Variants in TTC7A observed in about 807,000 individuals in gnomAD.
TTC7A encodes tetratricopeptide repeat domain 7A.
A neutral mutation model predicts 103.7 loss-of-function variants in TTC7A; 110 were observed. The observed-to-expected ratio is 1.06, with a 90% CI of 0.91 to 1.24. The LOEUF (loss-of-function observed/expected upper bound fraction) is 1.24, where lower values mean the gene tolerates loss of function less well. Ranked by LOEUF, TTC7A falls within the 50% of genes most tolerant of loss-of-function variation. The probability of loss-of-function intolerance (pLI) is 0.00; values close to 1 mark genes in which losing one functional copy is unlikely to be tolerated. For synonymous variants in TTC7A, 521 were observed against 467.9 expected (o/e 1.11, Z -1.47); for missense variants, 1,340 against 1,116.3 (o/e 1.20, Z -2.86).
At chr2:46,974,765 C>A in intron 3 of TTC7A, 1 of 656,144 alleles carries the variant, frequency 1.5e-6, no homozygotes, top group Non-Finnish European at 2.7e-6. Context: ...CACTGTGATT[C>A]CCCACGTGCT....
chr2:47,061,153 T>G (rs1683750434), intron 19 of TTC7A, among the ~76,000 whole-genome samples, 182 bp downstream of exon 19: 1 of 152,220 alleles, frequency 6.6e-6, no homozygotes, highest in Admixed American at 6.5e-5. Context: ...CTTGGGATAC[T>G]TAGCCTTCTC....
At position 47,049,330 on chromosome 2, in the gene TTC7A, CTG is replaced by C. The variant is rs556254401; in HGVS notation, c.1920-616_1920-615del. 5.5e-4 allele frequency among the ~76,000 whole-genome samples: 84 copies of C among 152,160 alleles called. 1 individual carries two copies. The South Asian group carries it at 0.017, about 30-fold the overall frequency. On this transcript the variant is annotated intron_variant, in intron 16 of 19. Coordinates refer to ENST00000319190, the MANE Select transcript of TTC7A (RefSeq NM_020458.4). ...TTCCTGGCTCCCCGCTGCCCCCACT[CTG>C]TGAAAAGAGGAACCCCTCCCCCCCG...
intron 3 of TTC7A, among the ~76,000 whole-genome samples, chr2:46,969,631 G>C (rs942189090): frequency 6.6e-6 from 1 of 151,934 alleles, no homozygotes; most frequent in African/African-American, 2.4e-5. Context: ...GGCCAGGATG[G>C]TCTCAATCTG....
intron 15 of TTC7A, among the ~76,000 whole-genome samples, chr2:47,044,466 A>G (rs545270127): frequency 6.6e-6 from 1 of 152,320 alleles, no homozygotes; most frequent in Non-Finnish European, 1.5e-5. Context: ...CACTGGGGTC[A>G]TTCCTACTCA....
intron 4 of TTC7A, 50 bp downstream of exon 4, chr2:46,975,153 A>G (rs1334739531): frequency 3.1e-6 from 5 of 1,605,406 alleles, no homozygotes; most frequent in South Asian, 1.1e-5. Context: ...TTGAGCACCT[A>G]TGTCTATGGA....
At chr2:46,917,078 C>T (rs1410972469) in intron 1 of TTC7A, 7 of 673,998 alleles carry the variant, frequency 1.0e-5, no homozygotes, top group Non-Finnish European at 1.9e-5. Flanking sequence ...ACGCCACTGC[C>T]ATTGACGGTC....
At chr2:46,983,906 A>G (rs530085744) in intron 5 of TTC7A, among the ~76,000 whole-genome samples, 1 of 152,344 alleles carries the variant, frequency 6.6e-6, no homozygotes, top group African/African-American at 2.4e-5. Flanking sequence ...GTTCTTATCT[A>G]TGAAAGCTTC....
At chr2:47,024,385 C>T (rs775933052) in intron 14 of TTC7A, 26 bp downstream of exon 14, 7 of 1,586,132 alleles carry the variant, frequency 4.4e-6, no homozygotes, top group East Asian at 4.7e-5. Context: ...TCCTAACCCC[C>T]GGGTCCTCGG....
At chr2:46,995,695 A>G (rs1334021926) in intron 8 of TTC7A, among the ~76,000 whole-genome samples, 1 of 152,160 alleles carries the variant, frequency 6.6e-6, no homozygotes. Flanking sequence ...AACAATACTC[A>G]CAAAGGTAAG....
At position 47,075,266 on chromosome 2, in the gene TTC7A, T is replaced by C. The variant is rs762194397; in HGVS notation, c.*1343T>C. The stretch of plus-strand genomic sequence containing the variant: ...CCCTGGATCCTTTGCCTCTTCTTGG[T>C]TGAAGGATCTCTATGTATGTGTGTA... On this transcript the variant is annotated 3_prime_UTR_variant, in exon 20 of 20. Transcript: ENST00000319190. 14 of 152,208 alleles carry C rather than the reference T, an allele frequency of 9.2e-5. No individual in the cohort carries two copies. The highest frequency in any genetic ancestry group is 2.6e-4 in the Admixed American group (4 of 15,284). 9.4% of individuals were successfully genotyped at this position (152,208 alleles called of 1,614,324 possible).
chr2:46,982,411 C>T (rs966780943), intron 5 of TTC7A, among the ~76,000 whole-genome samples: 3 of 152,070 alleles, frequency 2.0e-5, no homozygotes, highest in African/African-American at 7.2e-5. Flanking sequence ...AGGGCCCCTA[C>T]TGGGAAACAG....
rs573817023 is a variant in TTC7A, at chr2:47,002,964, C to G, written c.1066-2958C>G. 1.1e-3 allele frequency among the ~76,000 whole-genome samples: 172 copies of G among 152,282 alleles called. 2 individuals carry two copies. The highest frequency in any genetic ancestry group is 2.0e-3 in the Non-Finnish European group (138 of 68,020). On this transcript the variant is annotated intron_variant, in intron 8 of 19. Coordinates refer to ENST00000319190, the MANE Select transcript of TTC7A (RefSeq NM_020458.4). ...GGCTGCCTGCCTATTGAGGGCCTAT[C>G]ACCAGCCTGAGGATTTGTGCTGCTG...
At chr2:46,974,841 CAGA>C in intron 3 of TTC7A, 129 bp from the exon 4 acceptor site, 1 of 1,308,086 alleles carries the variant, frequency 7.6e-7, no homozygotes, top group South Asian at 1.3e-5. Context: ...CTCCCCTCCG[CAGA>C]CCTCCGCCTC....
intron 14 of TTC7A, among the ~76,000 whole-genome samples, chr2:47,026,255 A>T (rs985038410): frequency 6.6e-5 from 10 of 152,146 alleles, no homozygotes; most frequent in Non-Finnish European, 1.2e-4. Flanking sequence ...GTGGATTTGG[A>T]TACGTAGCCC....
chr2:46,962,232 C>T (rs1672444279), intron 3 of TTC7A, among the ~76,000 whole-genome samples: 1 of 152,178 alleles, frequency 6.6e-6, no homozygotes, highest in Non-Finnish European at 1.5e-5. Context: ...CTTCACTCTG[C>T]ACAAAGCTGT....
At chr2:47,053,743 T>G (rs975090276) in intron 18 of TTC7A, among the ~76,000 whole-genome samples, 5 of 152,162 alleles carry the variant, frequency 3.3e-5, no homozygotes, top group African/African-American at 1.2e-4. Context: ...GGCTAATTTT[T>G]TTTGTATTTT....
chr2:46,974,971 A>G lies in TTC7A; in HGVS notation c.518-2A>G, dbSNP rs1233340344. The G allele has an allele frequency of 4.3e-6, 7 of 1,613,170 alleles. No homozygotes were observed. Among genetic ancestry groups the G allele is most frequent in the Non-Finnish European group, 5.9e-6 (7 of 1,179,622 alleles). ...GTCTGAGGCACCCTCTTCCTCCCGCAGGCCTCTCTCTGGAACGCCTACCCA... is the reference window on the plus strand; with the variant it reads ...GTCTGAGGCACCCTCTTCCTCCCGCGGGCCTCTCTCTGGAACGCCTACCCA... On this transcript the variant is annotated splice_acceptor_variant, in intron 3 of 19. Transcript: ENST00000319190. LOFTEE classifies it high-confidence loss of function.
chr2:46,934,154 G>T (rs964719234), intron 2 of TTC7A, among the ~76,000 whole-genome samples: 1 of 152,242 alleles, frequency 6.6e-6, no homozygotes, highest in Non-Finnish European at 1.5e-5. Context: ...TGTTGACCTT[G>T]ACATGGCTTT....
chr2:47,070,819 G>C (rs2103635314), intron 19 of TTC7A, among the ~76,000 whole-genome samples: 1 of 152,294 alleles, frequency 6.6e-6, no homozygotes, highest in Middle Eastern at 3.4e-3. Context: ...CCCCTTGGAG[G>C]TACGATGTCT....
Sources: gnomAD v4.1 joint callset for allele counts (sites outside exome capture counted in the v4.1 genomes callset) on GRCh38, gnomAD v4.1.1 for gene constraint, MANE v1.5 for transcripts, NCBI Gene and HGNC (gene_info 2026-07-23, HGNC 2026-07-21) for gene names.